The following CSNK2A2 variants were observed in gnomAD, a reference collection of about 807,000 sequenced individuals.
CSNK2A2 encodes casein kinase 2 alpha 2.
A neutral mutation model predicts 54.0 loss-of-function variants in CSNK2A2; 8 were observed. The ratio of observed to expected loss-of-function variants is 0.15; its 90% CI spans 0.09 to 0.27. The LOEUF (loss-of-function observed/expected upper bound fraction) is 0.27, where lower values mean the gene tolerates loss of function less well. Among genes scored for constraint, CSNK2A2 ranks in the 10% least tolerant of loss-of-function variants. The pLI, the probability that CSNK2A2 is intolerant of heterozygous loss-of-function variation, is 1.00. For synonymous variants in CSNK2A2, 141 were observed against 153.9 expected, an observed-to-expected ratio of 0.92 and a Z score of 0.62; for missense variants, 242 against 439.4, an observed-to-expected ratio of 0.55 and a Z score of 4.02.
chr16:58,192,593 A>T (rs1367877562), intron 2 of CSNK2A2: 1 of 152,218 alleles, frequency 6.6e-6, no homozygotes, highest in East Asian at 1.9e-4. Flanking sequence ...GGACTCTTGG[A>T]TTCCACACTT....
chr16:58,173,216 T>C (rs2049164550), intron 5 of CSNK2A2, among the ~76,000 whole-genome samples: 1 of 152,216 alleles, frequency 6.6e-6, no homozygotes, highest in Non-Finnish European at 1.5e-5. Flanking sequence ...CTCGACCTTT[T>C]TCGTGTTTCT....
intron 4 of CSNK2A2, among the ~76,000 whole-genome samples, chr16:58,181,417 A>G (rs1962038048): frequency 6.6e-6 from 1 of 152,216 alleles, no homozygotes; most frequent in East Asian, 1.9e-4. Flanking sequence ...GTTCTCCTCA[A>G]CTTGAGGCTA....
At chr16:58,171,447 C>T (rs1330191309) in intron 5 of CSNK2A2, among the ~76,000 whole-genome samples, 31 of 152,024 alleles carry the variant, frequency 2.0e-4, no homozygotes, top group African/African-American at 6.7e-4. Context: ...TGCTTGAACC[C>T]GGGAGGTGGA....
intron 4 of CSNK2A2, among the ~76,000 whole-genome samples, chr16:58,183,203 A>G (rs1322030886): frequency 7.0e-6 from 1 of 142,234 alleles, no homozygotes; most frequent in Non-Finnish European, 1.5e-5. Flanking sequence ...CTGCTAAAAA[A>G]AATTTAAAAA....
chr16:58,163,800 C>T (rs927809430), intron 11 of CSNK2A2: 1 of 322,348 alleles, frequency 3.1e-6, no homozygotes, highest in Admixed American at 4.9e-5. Flanking sequence ...CTCCGAGTCT[C>T]TATCTCCCAT....
intron 5 of CSNK2A2, among the ~76,000 whole-genome samples, chr16:58,171,977 ATATTTTTTTTT>A (rs1375236543): frequency 5.8e-5 from 2 of 34,318 alleles, no homozygotes; most frequent in African/African-American, 3.1e-4. Flanking sequence ...ATATATATAT[ATATTTTTTTTT>A]TTTTTTTTTT....
At chr16:58,192,832 C>T (rs961555310) in intron 2 of CSNK2A2, 1 of 152,220 alleles carries the variant, frequency 6.6e-6, no homozygotes, top group Admixed American at 6.5e-5. Context: ...CTTCCACCCC[C>T]TGACTACATG....
chr16:58,187,262 T>C (rs1029209410), intron 2 of CSNK2A2, among the ~76,000 whole-genome samples: 1 of 151,958 alleles, frequency 6.6e-6, no homozygotes, highest in Non-Finnish European at 1.5e-5. Context: ...GCTCTTCCAA[T>C]GAGTTACATG....
At chr16:58,185,241 C>A (rs939960546) in intron 3 of CSNK2A2, among the ~76,000 whole-genome samples, 1 of 152,106 alleles carries the variant, frequency 6.6e-6, no homozygotes, top group Non-Finnish European at 1.5e-5. Flanking sequence ...CAGATCTCTG[C>A]GAGGACAACT....
Position 58,197,896 on chromosome 16 carries a change from G to T in CSNK2A2, c.-160C>A, listed in dbSNP as rs1352256831. 7.1e-6 allele frequency: 1 copy of T among 140,926 alleles called. No individual in the cohort carries two copies. The highest frequency in any genetic ancestry group is 2.2e-4 in the East Asian group (1 of 4,618). 8.7% of individuals were successfully genotyped at this position (140,926 alleles called of 1,614,324 possible). Reference sequence around the variant, plus strand: ...GCGGCCGCGCCAGGCCGGGCCCGCGGGGGCGGGCGGGCTGGGGGCGCGGGG... The same window carrying T: ...GCGGCCGCGCCAGGCCGGGCCCGCGTGGGCGGGCGGGCTGGGGGCGCGGGG... On this transcript the variant is annotated 5_prime_UTR_variant, in exon 1 of 12. Transcript: ENST00000262506. The surrounding 1 kb of genome is among the most constrained non-coding windows in gnomAD (Gnocchi z 4.0).
intron 10 of CSNK2A2, among the ~76,000 whole-genome samples, chr16:58,164,682 T>C (rs1309139577): frequency 1.3e-5 from 2 of 152,248 alleles, no homozygotes; most frequent in African/African-American, 4.8e-5. Context: ...AACAGCTTTC[T>C]GTGCCAGACA....
At chr16:58,190,470 C>T (rs145360955) in intron 2 of CSNK2A2, among the ~76,000 whole-genome samples, 2 of 152,242 alleles carry the variant, frequency 1.3e-5, no homozygotes, top group East Asian at 1.9e-4. Context: ...GATGATGGCA[C>T]GTAATTCACT....
intron 5 of CSNK2A2, among the ~76,000 whole-genome samples, chr16:58,172,049 T>C (rs1961761342): frequency 6.9e-6 from 1 of 145,820 alleles, no homozygotes. Flanking sequence ...CTTGAACTCC[T>C]GAGCTCAAGC....
At chr16:58,192,731 T>C (rs150157124) in intron 2 of CSNK2A2, 13 of 152,362 alleles carry the variant, frequency 8.5e-5, no homozygotes, top group East Asian at 3.9e-4. Context: ...GATCAGGACA[T>C]CACAAAGTCA....
In CSNK2A2 at chr16:58,197,559, G is replaced by A. The variant is rs1232011610; in HGVS notation, c.104+74C>T. The A allele has an allele frequency of 9.7e-7, 1 of 1,027,320 alleles. No homozygotes were observed. Among genetic ancestry groups the A allele is most frequent in the Non-Finnish European group, 1.4e-6 (1 of 718,476 alleles). The allele number at this position is 1,027,320 out of a possible 1,614,324, so 63.6% of individuals were successfully genotyped here. ...GTCGGCGGGAGACACCACCGGGCCC[G>A]AGTGCGGTTCGCAGGGGGTGGCCGG... On this transcript the variant is annotated intron_variant, in intron 1 of 11. Transcript: ENST00000262506. The surrounding 1 kb of genome is among the most constrained non-coding windows in gnomAD (Gnocchi z 4.0).
chr16:58,176,569 T>G (rs972960984), intron 4 of CSNK2A2, among the ~76,000 whole-genome samples: 2 of 152,212 alleles, frequency 1.3e-5, no homozygotes, highest in Non-Finnish European at 2.9e-5. Flanking sequence ...GTCCACAGTC[T>G]GGCTTCCTCC....
At chr16:58,173,299 A>C (rs1393203) in intron 5 of CSNK2A2, among the ~76,000 whole-genome samples, 10,814 of 152,304 alleles carry the variant, frequency 0.071, 443 homozygotes, top group South Asian at 0.2. Context: ...AGCTTTCTCT[A>C]ATAAAAAGTG....
rs1961593654 is a variant in CSNK2A2 at position 58,167,287 on chromosome 16, T to C, written c.646A>G (p.Met216Val). The C allele has an allele frequency of 6.2e-7, 1 of 1,613,386 alleles. No individual in the cohort carries two copies. The highest frequency in any genetic ancestry group is 1.7e-5 in the Admixed American group (1 of 59,858). The change falls in exon 8 of 12, where the codon ATG becomes GTG. Residue 216 changes from methionine (M) to valine (V), a missense_variant. This residue lies in a region of CSNK2A2 where 40 missense variants were observed against 128.7 expected (regional missense o/e 0.31). Transcript: ENST00000262506. ...GCTAACATACAGCCCAAACTCCACA[T>C]GTCCAAGCTATAATCATACATCTGA... is the stretch of plus-strand genomic sequence containing the variant. ...DYQMYDYSLD[M>V]WSLGCMLASM...
chr16:58,195,619 C>T (rs1376623028), intron 2 of CSNK2A2, among the ~76,000 whole-genome samples: 1 of 152,130 alleles, frequency 6.6e-6, no homozygotes, highest in Non-Finnish European at 1.5e-5. Context: ...TGAAATGATC[C>T]GGCAATAACG....
Sources: allele counts gnomAD v4.1 joint callset (sites outside exome capture counted in the v4.1 genomes callset), GRCh38; gene constraint gnomAD v4.1.1; regional missense constraint gnomAD v4.1.1; non-coding constraint Gnocchi (gnomAD v3.1); transcripts MANE v1.5; gene names NCBI Gene and HGNC (gene_info 2026-07-23, HGNC 2026-07-21).